PLBD2: variants seen among roughly 807,000 people sequenced by gnomAD.
PLBD2 encodes the protein phospholipase B domain containing 2, also known as putative aminopeptidase PLBD2.
In PLBD2, 51 loss-of-function variants were observed where a neutral mutation model predicts 68.3. The ratio of observed to expected loss-of-function variants is 0.75; its 90% CI spans 0.60 to 0.94. The LOEUF is 0.94. Among genes scored for constraint, PLBD2 ranks in the 40% least tolerant of loss-of-function variants. The pLI is 0.00. For synonymous variants in PLBD2, 314 were observed against 339.3 expected (o/e 0.93, Z 0.82); for missense variants, 729 against 792.2 (o/e 0.92, Z 0.96).
chr12:113,366,687 GT>G (rs1296425588), intron 1 of PLBD2, among the ~76,000 whole-genome samples: 2 of 151,862 alleles, frequency 1.3e-5, no homozygotes, highest in African/African-American at 4.8e-5. Flanking sequence ...TCCCAGGCTG[GT>G]CTTGAACTCC....
At chr12:113,388,359 C>A in intron 11 of PLBD2, 100 bp from the exon 12 acceptor site, 2 of 1,187,536 alleles carry the variant, frequency 1.7e-6, no homozygotes, top group Non-Finnish European at 2.3e-6. Context: ...AGTGACAGTT[C>A]AGAATTGGGC....
chr12:113,379,854 GTCTA>G (rs1324803406), intron 5 of PLBD2, among the ~76,000 whole-genome samples: 3 of 151,990 alleles, frequency 2.0e-5, no homozygotes, highest in Admixed American at 6.6e-5. Context: ...TTATCTGTTT[GTCTA>G]TCTATCTGAG....
At chr12:113,378,094 C>T (rs1351379557) in intron 5 of PLBD2, among the ~76,000 whole-genome samples, 8 of 152,140 alleles carry the variant, frequency 5.3e-5, no homozygotes, top group East Asian at 3.9e-4. Flanking sequence ...GTCAGGAGTT[C>T]GAGACTGGCC....
chr12:113,388,325 G>A, intron 11 of PLBD2, 134 bp from the exon 12 acceptor site: 1 of 866,804 alleles, frequency 1.2e-6, no homozygotes, highest in Non-Finnish European at 1.7e-6. Flanking sequence ...CTGGGTGACA[G>A]AGCAGAGACT....
intron 1 of PLBD2, among the ~76,000 whole-genome samples, chr12:113,360,796 C>T (rs1221633305): frequency 6.6e-6 from 1 of 152,174 alleles, no homozygotes; most frequent in Non-Finnish European, 1.5e-5. Context: ...GCTGGAATTA[C>T]AGGTGTGTGC....
In PLBD2 at chr12:113,382,835, TTGTGTGTGTGTGTG is replaced by T. The variant is rs1209547269; in HGVS notation, c.958-1250_958-1237del. ...TGGGGGTGGTGGTGGTGGTGGTTTT[TTGTGTGTGTGTGTG>T]TGTGTGTGTGTGTGTGTGTTTTTTT... is the stretch of plus-strand genomic sequence containing the variant. On this transcript the variant is annotated intron_variant, in intron 6 of 11. Transcript: ENST00000280800. Among the ~76,000 whole-genome samples the T allele has an allele frequency of 6.8e-4, 72 of 106,606 alleles. 1 individual carries two copies. The East Asian group carries it at 0.016, about 23-fold the overall frequency. 69.9% of individuals were successfully genotyped at this position (106,606 alleles called of 152,430 possible). A position where few individuals can be genotyped will look rare whatever the true frequency, so the allele number is the denominator to read the frequency against.
chr12:113,358,656 G>GGGCGCTGGCGCT lies in PLBD2; in HGVS notation c.60_71dup (p.Ala22_Leu25dup), dbSNP rs774732020. 506 of 1,461,676 alleles carry GGGCGCTGGCGCT rather than the reference G, an allele frequency of 3.5e-4. 8 individuals carry two copies. In the East Asian group the frequency reaches 0.013, roughly 38 times the overall value. 90.5% of individuals were successfully genotyped at this position (1,461,676 alleles called of 1,614,324 possible). A position where few individuals can be genotyped will look rare whatever the true frequency, so the allele number is the denominator to read the frequency against. The stretch of plus-strand genomic sequence containing the variant: ...AGCCACCTGGCCCGGGCGCTGACGC[G>GGGCGCTGGCGCT]GGCGCTGGCGCTGGCCCTGGTGCTG... On this transcript the variant is annotated inframe_insertion, in exon 1 of 12. Coordinates refer to ENST00000280800, the MANE Select transcript of PLBD2 (RefSeq NM_173542.4).
rs760227176 is a variant in PLBD2, at chr12:113,384,966, G to A, written c.1214+20G>A. The A allele has an allele frequency of 6.3e-7, 1 of 1,595,562 alleles. No individual in the cohort carries two copies. Among genetic ancestry groups the A allele is most frequent in the South Asian group, 1.1e-5 (1 of 89,580 alleles). On this transcript the variant is annotated intron_variant, in intron 8 of 11. Coordinates refer to ENST00000280800, the MANE Select transcript of PLBD2 (RefSeq NM_173542.4). This position sits in a 1 kb window ranked among gnomAD's most constrained non-coding sequence, Gnocchi z 4.2. ...GATCCCGTGCGTACCCTGGGAGGGA[G>A]GGGTGGGGGCTCGGGGCAGAGGGGA...
In PLBD2 at chr12:113,374,121, C is replaced by T. The variant is rs989932811; in HGVS notation, c.544-353C>T. Reference sequence around the variant, plus strand: ...AAGTCAGATGCATGAGACAGGTGCCCGAGGCAGCAATACAGTCAGTACTGA... The same window carrying T: ...AAGTCAGATGCATGAGACAGGTGCCTGAGGCAGCAATACAGTCAGTACTGA... On this transcript the variant is annotated intron_variant, in intron 3 of 11. Coordinates refer to ENST00000280800, the MANE Select transcript of PLBD2 (RefSeq NM_173542.4). 2.6e-5 allele frequency among the ~76,000 whole-genome samples: 4 copies of T among 152,134 alleles called. No homozygotes were observed. In the South Asian group the frequency reaches 6.2e-4, roughly 24 times the overall value.
At chr12:113,362,730 T>TTTTATTGCCAA (rs1324283587) in intron 1 of PLBD2, among the ~76,000 whole-genome samples, 1 of 151,772 alleles carries the variant, frequency 6.6e-6, no homozygotes, top group East Asian at 1.9e-4. Context: ...GATTGGCAAT[T>TTTTATTGCCAA]TTAGAGCAAA....
intron 5 of PLBD2, 67 bp downstream of exon 5, chr12:113,375,074 A>G: frequency 6.8e-7 from 1 of 1,478,514 alleles, no homozygotes; most frequent in Admixed American, 1.8e-5. Flanking sequence ...GAGTGGTCCT[A>G]GGAGGTTTGG....
Position 113,385,294 on chromosome 12 carries a change from T to C in PLBD2, c.1286+11T>C. 6.2e-7 allele frequency: 1 copy of C among 1,613,050 alleles called. No homozygotes were observed. The highest frequency in any genetic ancestry group is 1.1e-5 in the South Asian group (1 of 91,054). On this transcript the variant is annotated intron_variant, in intron 9 of 11. Coordinates refer to ENST00000280800, the MANE Select transcript of PLBD2 (RefSeq NM_173542.4). Reference sequence around the variant, plus strand: ...CAGCTACAACATACCGTGCGTGCCTTCTCACTCCGCTCCCCGTCACCCTCC... The same window carrying C: ...CAGCTACAACATACCGTGCGTGCCTCCTCACTCCGCTCCCCGTCACCCTCC...
At chr12:113,371,828 G>C (rs1957391291) in intron 2 of PLBD2, among the ~76,000 whole-genome samples, 1 of 152,234 alleles carries the variant, frequency 6.6e-6, no homozygotes, top group Admixed American at 6.5e-5. Flanking sequence ...TTCAACCTCA[G>C]CTCTGTCTAA....
chr12:113,369,879 A>AAT (rs1303186172), intron 2 of PLBD2, among the ~76,000 whole-genome samples: 17 of 151,688 alleles, frequency 1.1e-4, no homozygotes, highest in African/African-American at 4.1e-4. Flanking sequence ...CAACCTTATG[A>AAT]ATACATTAAA....
chr12:113,380,749 C>T lies in PLBD2; in HGVS notation c.864C>T (p.Asp288=). 6.5e-7 allele frequency: 1 copy of T among 1,549,802 alleles called. No homozygotes were observed. The highest frequency in any genetic ancestry group is 8.7e-7 in the Non-Finnish European group (1 of 1,147,144). The change falls in exon 6 of 12, where the codon GAC becomes GAT. Residue 288 remains aspartate (D), a synonymous_variant. Coordinates refer to ENST00000280800, the MANE Select transcript of PLBD2 (RefSeq NM_173542.4). ...TGGCTCGCTCTGCCTGCACAGGGGA[C>T]TACCCGCTGGTTCCCGGCAACAAGC... is the stretch of plus-strand genomic sequence containing the variant. ...WLQFREGPWG[D]YPLVPGNKLV...
intron 1 of PLBD2, among the ~76,000 whole-genome samples, chr12:113,366,823 C>T (rs1957346489): frequency 1.3e-5 from 2 of 150,888 alleles, no homozygotes; most frequent in East Asian, 2.0e-4. Flanking sequence ...CTTCCCTCCC[C>T]TTCTTTTTTC....
At chr12:113,385,746 ATTTGTTT>A (rs1370046392) in intron 9 of PLBD2, among the ~76,000 whole-genome samples, 15 of 152,168 alleles carry the variant, frequency 9.9e-5, no homozygotes, top group Non-Finnish European at 1.8e-4. Context: ...TGAAGGCAGG[ATTTGTTT>A]TTTGTTTTTT....
At chr12:113,374,419 G>T in intron 3 of PLBD2, 55 bp from the exon 4 acceptor site, 5 of 1,196,890 alleles carry the variant, frequency 4.2e-6, no homozygotes, top group South Asian at 2.6e-5. Flanking sequence ...GAAGGAGAAG[G>T]TGTGAGCCTG....
intron 5 of PLBD2, chr12:113,376,906 A>G (rs975823926): frequency 6.6e-6 from 1 of 152,326 alleles, no homozygotes; most frequent in African/African-American, 2.4e-5. Context: ...AGCCCCAGGG[A>G]TACCACTGCC....
Sources: allele counts gnomAD v4.1 joint callset (sites outside exome capture counted in the v4.1 genomes callset), GRCh38; gene constraint gnomAD v4.1.1; non-coding constraint Gnocchi (gnomAD v3.1); transcripts MANE v1.5; gene names NCBI Gene and HGNC (gene_info 2026-07-23, HGNC 2026-07-21).